SCUBE3: variants seen among roughly 807,000 people sequenced by gnomAD.
SCUBE3 encodes signal peptide, CUB domain and EGF like domain containing 3, also known as signal peptide, CUB and EGF-like domain-containing protein 3.
Under a neutral mutation model 116.8 loss-of-function variants are expected in SCUBE3, and 33 were observed. That is an observed-to-expected ratio of 0.28 (90% CI 0.21 to 0.38). SCUBE3 has a LOEUF of 0.38. Ranked by LOEUF, SCUBE3 falls within the 10% of genes least tolerant of loss-of-function variation. The probability of loss-of-function intolerance (pLI) is 1.00; values close to 1 mark genes in which losing one functional copy is unlikely to be tolerated. For synonymous variants in SCUBE3, 418 were observed against 496.9 expected (o/e 0.84, Z 2.11); for missense variants, 1,007 against 1,324.8 (o/e 0.76, Z 3.72).
intron 3 of SCUBE3, among the ~76,000 whole-genome samples, chr6:35,229,687 C>G (rs1783461076): frequency 6.6e-6 from 1 of 152,164 alleles, no homozygotes; most frequent in Non-Finnish European, 1.5e-5. Context: ...ATAAGAGAAT[C>G]TCTAAGGAAC....
At chr6:35,218,233 C>CATTCACACGT in intron 1 of SCUBE3, 11 of 679,542 alleles carry the variant, frequency 1.6e-5, no homozygotes, top group South Asian at 1.3e-4. Flanking sequence ...CATTCACACA[C>CATTCACACGT]GTGTGAATGT....
Position 35,244,163 on chromosome 6 carries a change from C to G in SCUBE3, c.2239+33C>G. 1.3e-6 allele frequency: 2 copies of G among 1,576,998 alleles called. No individual in the cohort carries two copies. The highest frequency in any genetic ancestry group is 1.7e-6 in the Non-Finnish European group (2 of 1,153,714). On this transcript the variant is annotated intron_variant, in intron 17 of 21. Coordinates refer to ENST00000274938, the MANE Select transcript of SCUBE3 (RefSeq NM_152753.4). This position sits in a 1 kb window ranked among gnomAD's most constrained non-coding sequence, Gnocchi z 4.3. Reference sequence around the variant, plus strand: ...AGCTACTCACCTCCCTGGGGGATGCCCCAACCCCAACTACTCCCAAAAAAC... The same window carrying G: ...AGCTACTCACCTCCCTGGGGGATGCGCCAACCCCAACTACTCCCAAAAAAC...
intron 21 of SCUBE3, among the ~76,000 whole-genome samples, 172 bp from the exon 22 acceptor site, chr6:35,248,384 T>C (rs941230820): frequency 3.9e-5 from 6 of 152,198 alleles, no homozygotes; most frequent in South Asian, 2.1e-4. Context: ...ACTGATTCAG[T>C]TGTGGAATTC....
At position 35,241,097 on chromosome 6, in the gene SCUBE3, C is replaced by T; in HGVS notation, c.1070-44C>T. 6.4e-7 allele frequency: 1 copy of T among 1,558,462 alleles called. No homozygotes were observed. The highest frequency in any genetic ancestry group is 2.3e-5 in the East Asian group (1 of 43,840). On this transcript the variant is annotated intron_variant, in intron 9 of 21. Coordinates refer to ENST00000274938, the MANE Select transcript of SCUBE3 (RefSeq NM_152753.4). This position sits in a 1 kb window ranked among gnomAD's most constrained non-coding sequence, Gnocchi z 4.1. ...CACTGCCTACTCTCCGGCTCCTCCTCCAACTCCATCGTTGTTTTTCTGTCT... is the reference window on the plus strand; with the variant it reads ...CACTGCCTACTCTCCGGCTCCTCCTTCAACTCCATCGTTGTTTTTCTGTCT...
Position 35,241,554 on chromosome 6 carries a change from T to C in SCUBE3, c.1207T>C (p.Cys403Arg). The change falls in exon 11 of 22, where the codon TGT (cysteine) becomes CGT (arginine). Residue 403 changes from cysteine to arginine, a missense_variant. Around this residue, in one of 5 missense-constraint regions of SCUBE3, gnomAD observed 544 missense variants for 638.9 expected, o/e 0.85. Transcript: ENST00000274938. This position sits in a 1 kb window ranked among gnomAD's most constrained non-coding sequence, Gnocchi z 4.1. The stretch of plus-strand genomic sequence containing the variant: ...TCTCCCCTTCCTAGAGCCACTGAAG[T>C]GTCAGGGCAGTCCTGGGGCCTCGAA... ...NGKDCTEPLKCQGSPGASKAM... is the reference protein window; with the variant it reads ...NGKDCTEPLKRQGSPGASKAM... 1 of 1,612,800 alleles carries C rather than the reference T, an allele frequency of 6.2e-7. No individual in the cohort carries two copies. Among genetic ancestry groups the C allele is most frequent in the Middle Eastern group, 1.7e-4 (1 of 6,058 alleles).
At position 35,243,896 on chromosome 6, in the gene SCUBE3, A is replaced by G; in HGVS notation, c.2072-67A>G. On this transcript the variant is annotated intron_variant, in intron 16 of 21. Transcript: ENST00000274938. The surrounding 1 kb of genome is among the most constrained non-coding windows in gnomAD (Gnocchi z 6.6). ...TGTTTGTATACCTTTGTCCCCTGAG[A>G]TCGGGTGACCCCATGGGGATGACTC... 2 of 1,553,652 alleles carry G rather than the reference A, an allele frequency of 1.3e-6. No homozygotes were observed. Among genetic ancestry groups the G allele is most frequent in the Non-Finnish European group, 1.8e-6 (2 of 1,134,770 alleles).
intron 7 of SCUBE3, among the ~76,000 whole-genome samples, 189 bp downstream of exon 7, chr6:35,238,207 A>G (rs974121204): frequency 1.3e-5 from 2 of 152,126 alleles, no homozygotes; most frequent in Non-Finnish European, 2.9e-5. Flanking sequence ...AAGTCCAGCC[A>G]GTTCCTTAGT....
rs1784464114 is a variant in SCUBE3 at position 35,249,113 on chromosome 6, T to C, written c.*408T>C. 5.8e-6 allele frequency: 1 copy of C among 171,328 alleles called. No individual in the cohort carries two copies. Among genetic ancestry groups the C allele is most frequent in the Non-Finnish European group, 1.3e-5 (1 of 79,688 alleles). 10.6% of individuals were successfully genotyped at this position (171,328 alleles called of 1,614,324 possible). A position where few individuals can be genotyped will look rare whatever the true frequency, so the allele number is the denominator to read the frequency against. ...GGGGAAAGAAGGGCTTCTGCCATTA[T>C]AGGGTTGTGCCTTGCTAGTCAGGGG... On this transcript the variant is annotated 3_prime_UTR_variant, in exon 22 of 22. Transcript: ENST00000274938.
chr6:35,241,236 C>A lies in SCUBE3; in HGVS notation c.1165C>A (p.Arg389=). Residue 389 remains arginine, a synonymous_variant, in exon 10 of 22, where the codon CGG becomes AGG. Transcript: ENST00000274938. The surrounding 1 kb of genome is among the most constrained non-coding windows in gnomAD (Gnocchi z 4.1). ...YQCTCPAGQG[R]LHWNGKDCTE... The stretch of plus-strand genomic sequence containing the variant: ...GTGTACCTGCCCAGCAGGCCAGGGT[C>A]GGCTGCACTGGAATGGCAAAGATTG... 1 of 1,601,060 alleles carries A rather than the reference C, an allele frequency of 6.2e-7. No individual in the cohort carries two copies. The highest frequency in any genetic ancestry group is 1.1e-5 in the South Asian group (1 of 90,634).
At position 35,231,971 on chromosome 6, in the gene SCUBE3, T is replaced by G. The variant is rs1783571936; in HGVS notation, c.469+112T>G. The stretch of plus-strand genomic sequence containing the variant: ...CTCCATTCTCAACTCAGCTAGCTCC[T>G]TCTTCTCTTGTCCTTCAACTCAATC... On this transcript the variant is annotated intron_variant, in intron 4 of 21. Coordinates refer to ENST00000274938, the MANE Select transcript of SCUBE3 (RefSeq NM_152753.4). This position sits in a 1 kb window ranked among gnomAD's most constrained non-coding sequence, Gnocchi z 4.2. 1.1e-6 allele frequency: 1 copy of G among 939,090 alleles called. No homozygotes were observed. The highest frequency in any genetic ancestry group is 1.6e-6 in the Non-Finnish European group (1 of 633,276). 58.2% of individuals were successfully genotyped at this position (939,090 alleles called of 1,614,324 possible). A position where few individuals can be genotyped will look rare whatever the true frequency, so the allele number is the denominator to read the frequency against.
Position 35,214,496 on chromosome 6 carries a change from C to T in SCUBE3, c.78C>T (p.Ala26=), listed in dbSNP as rs777962365. The T allele has an allele frequency of 3.3e-6, 5 of 1,498,182 alleles. No homozygotes were observed. The African/African-American group carries it at 4.3e-5, about 13-fold the overall frequency. The allele number at this position is 1,498,182 out of a possible 1,614,324, so 92.8% of individuals were successfully genotyped here. ...CCCGCGCCGCCCAGTACAGCAAAGC[C>T]GCGCAAGGTAAGGAAGGAGGGGCGC... ...VHARAAQYSK[A]AQDVDECVEG... is the part of the protein sequence containing the mutation. The change falls in exon 1 of 22, where the codon GCC becomes GCT. Residue 26 remains alanine, a synonymous_variant. Coordinates refer to ENST00000274938, the MANE Select transcript of SCUBE3 (RefSeq NM_152753.4). This position sits in a 1 kb window ranked among gnomAD's most constrained non-coding sequence, Gnocchi z 6.3.
At position 35,231,207 on chromosome 6, in the gene SCUBE3, AAGG is replaced by A. The variant is rs1783536721; in HGVS notation, c.335-514_335-512del. On this transcript the variant is annotated intron_variant, in intron 3 of 21. Coordinates refer to ENST00000274938, the MANE Select transcript of SCUBE3 (RefSeq NM_152753.4). The surrounding 1 kb of genome is among the most constrained non-coding windows in gnomAD (Gnocchi z 4.2). Reference sequence around the variant, plus strand: ...TCCACAGAAATGGTCCCTGCTCCACAAGGAGGTGAGGCTCAGCTGCCTTTCCCC... The same window carrying A: ...TCCACAGAAATGGTCCCTGCTCCACAAGGTGAGGCTCAGCTGCCTTTCCCC... Among the ~76,000 whole-genome samples the A allele has an allele frequency of 6.6e-6, 1 of 152,108 alleles. No individual in the cohort carries two copies. Among genetic ancestry groups the A allele is most frequent in the African/African-American group, 2.4e-5 (1 of 41,412 alleles).
rs1784259953 is a variant in SCUBE3, at chr6:35,244,825, C to T, written c.2401+14C>T. On this transcript the variant is annotated intron_variant, in intron 18 of 21. Transcript: ENST00000274938. The surrounding 1 kb of genome is among the most constrained non-coding windows in gnomAD (Gnocchi z 4.3). ...CCCAATGCAAGAGTACGTGGCAAGC[C>T]AGGCTGTGCAAAAGGGAGGAGAGAG... 6.2e-7 allele frequency: 1 copy of T among 1,613,468 alleles called. No homozygotes were observed. Among genetic ancestry groups the T allele is most frequent in the Admixed American group, 1.7e-5 (1 of 59,978 alleles).
In SCUBE3 at chr6:35,244,521, G is replaced by C. The variant is rs978813172; in HGVS notation, c.2240-129G>C. 39 of 781,704 alleles carry C rather than the reference G, an allele frequency of 5.0e-5. No individual in the cohort carries two copies. Among genetic ancestry groups the C allele is most frequent in the Non-Finnish European group, 8.5e-6 (4 of 469,926 alleles). The allele number at this position is 781,704 out of a possible 1,614,324, so 48.4% of individuals were successfully genotyped here. ...TTCTGGCATGACTGGGAAAGATTGA[G>C]ACCCTAGAAAAGAACTTTGATGTAT... On this transcript the variant is annotated intron_variant, in intron 17 of 21. Transcript: ENST00000274938. This position sits in a 1 kb window ranked among gnomAD's most constrained non-coding sequence, Gnocchi z 4.3.
chr6:35,232,998 T>C lies in SCUBE3; in HGVS notation c.595+23T>C. On this transcript the variant is annotated intron_variant, in intron 5 of 21. Coordinates refer to ENST00000274938, the MANE Select transcript of SCUBE3 (RefSeq NM_152753.4). The surrounding 1 kb of genome is among the most constrained non-coding windows in gnomAD (Gnocchi z 4.2). ...AATGTGAGATAATTGGGATGGCAGG[T>C]GGGGCAGTGGGGTCGGGGGTGAAAA... The C allele has an allele frequency of 1.9e-6, 3 of 1,612,586 alleles. No homozygotes were observed. Among genetic ancestry groups the C allele is most frequent in the Non-Finnish European group, 2.5e-6 (3 of 1,179,120 alleles).
At chr6:35,234,242 G>A (rs1333776768) in intron 6 of SCUBE3, among the ~76,000 whole-genome samples, 1 of 152,206 alleles carries the variant, frequency 6.6e-6, no homozygotes, top group African/African-American at 2.4e-5. Context: ...CTTGCTGTGT[G>A]GGCATAGGTG....
intron 6 of SCUBE3, among the ~76,000 whole-genome samples, chr6:35,237,509 A>G (rs1783825284): frequency 6.6e-6 from 1 of 152,138 alleles, no homozygotes; most frequent in East Asian, 1.9e-4. Context: ...AAGAGGAAGA[A>G]ACTCCTATCT....
At position 35,214,398 on chromosome 6, in the gene SCUBE3, G is replaced by GCCC. The variant is rs1782802434; in HGVS notation, c.-21_-20insCCC. The GCCC allele has an allele frequency of 7.1e-7, 1 of 1,416,982 alleles. No homozygotes were observed. Among genetic ancestry groups the GCCC allele is most frequent in the Non-Finnish European group, 9.3e-7 (1 of 1,080,266 alleles). 87.8% of individuals were successfully genotyped at this position (1,416,982 alleles called of 1,614,324 possible). A position where few individuals can be genotyped will look rare whatever the true frequency, so the allele number is the denominator to read the frequency against. On this transcript the variant is annotated 5_prime_UTR_variant, in exon 1 of 22. Coordinates refer to ENST00000274938, the MANE Select transcript of SCUBE3 (RefSeq NM_152753.4). This position sits in a 1 kb window ranked among gnomAD's most constrained non-coding sequence, Gnocchi z 6.3. Reference sequence around the variant, plus strand: ...GGCCGCGAGACCGGCCCCGGCGGCTGGGCCGCCAGTAGCTCCAGCCATGGG... The same window carrying GCCC: ...GGCCGCGAGACCGGCCCCGGCGGCTGCCCGGCCGCCAGTAGCTCCAGCCATGGG...
Position 35,240,329 on chromosome 6 carries a change from A to G in SCUBE3, c.953-45A>G. On this transcript the variant is annotated intron_variant, in intron 8 of 21. Coordinates refer to ENST00000274938, the MANE Select transcript of SCUBE3 (RefSeq NM_152753.4). The surrounding 1 kb of genome is among the most constrained non-coding windows in gnomAD (Gnocchi z 4.6). ...GGGTCCTTCACCTGAGCAAGGGTCA[A>G]GTGCTCCAAGACAGATTCAGTGGCT... 8.1e-7 allele frequency: 1 copy of G among 1,234,676 alleles called. No individual in the cohort carries two copies. The highest frequency in any genetic ancestry group is 1.9e-4 in the Middle Eastern group (1 of 5,198). 76.5% of individuals were successfully genotyped at this position (1,234,676 alleles called of 1,614,324 possible).
Sources: gnomAD v4.1 joint callset for allele counts (sites outside exome capture counted in the v4.1 genomes callset) on GRCh38, gnomAD v4.1.1 for gene constraint, gnomAD v4.1.1 regional missense constraint, Gnocchi (gnomAD v3.1) non-coding constraint, MANE v1.5 for transcripts, NCBI Gene and HGNC (gene_info 2026-07-23, HGNC 2026-07-21) for gene names.